NADK2: variants seen among roughly 807,000 people sequenced by gnomAD.
NADK2 encodes the protein NAD kinase domain-containing protein 1, mitochondrial.
A neutral mutation model predicts 62.1 loss-of-function variants in NADK2; 35 were observed. The ratio of observed to expected loss-of-function variants is 0.56; its 90% CI spans 0.43 to 0.75. The LOEUF (loss-of-function observed/expected upper bound fraction) is 0.75, where lower values mean the gene tolerates loss of function less well. NADK2 is among the 30% of genes least tolerant of loss of function. The pLI is 0.00. For missense variants in NADK2, 439 were observed against 561.3 expected, an observed-to-expected ratio of 0.78 and a Z score of 2.20; for synonymous variants, 205 against 207.9, an observed-to-expected ratio of 0.99 and a Z score of 0.12.
At chr5:36,238,171 A>G (rs1261085459) in intron 1 of NADK2, among the ~76,000 whole-genome samples, 1 of 152,210 alleles carries the variant, frequency 6.6e-6, no homozygotes, top group Non-Finnish European at 1.5e-5. Flanking sequence ...ACCACCTGAC[A>G]AAAGTATACC....
At chr5:36,222,876 T>C (rs1747327150) in intron 4 of NADK2, among the ~76,000 whole-genome samples, 2 of 152,230 alleles carry the variant, frequency 1.3e-5, no homozygotes, top group African/African-American at 4.8e-5. Context: ...GCACAGATGA[T>C]TTCATTCATC....
In NADK2 at chr5:36,197,529, G is replaced by C. The variant is rs374262088; in HGVS notation, c.1190+12C>G. The C allele has an allele frequency of 7.3e-5, 117 of 1,612,020 alleles. No individual in the cohort carries two copies. Among genetic ancestry groups the C allele is most frequent in the Non-Finnish European group, 9.3e-5 (110 of 1,178,708 alleles). The stretch of plus-strand genomic sequence containing the variant: ...GATGAAAACAGTCAGAAGTCAGATT[G>C]AGGATGCTTACTTTGAGGAGAAACA... On this transcript the variant is annotated intron_variant, in intron 11 of 11. Transcript: ENST00000381937.
intron 8 of NADK2, among the ~76,000 whole-genome samples, chr5:36,206,148 T>C (rs774580719): frequency 6.6e-5 from 10 of 151,392 alleles, no homozygotes; most frequent in Non-Finnish European, 1.3e-4. Flanking sequence ...TTTTGTGGGG[T>C]GGGAGACTGT....
intron 7 of NADK2, among the ~76,000 whole-genome samples, chr5:36,210,616 A>G (rs1746806437): frequency 6.6e-6 from 1 of 152,230 alleles, no homozygotes; most frequent in Non-Finnish European, 1.5e-5. Context: ...CCATTCAAAA[A>G]TATTAATATC....
intron 5 of NADK2, 178 bp from the exon 6 acceptor site, chr5:36,218,062 A>G (rs1747115031): frequency 9.3e-6 from 5 of 538,104 alleles, no homozygotes; most frequent in Non-Finnish European, 1.6e-5. Context: ...AGATTTGAAT[A>G]TTTATTCTCT....
chr5:36,228,782 C>T lies in NADK2; in HGVS notation c.301-1217G>A, dbSNP rs1338870542. Among the ~76,000 whole-genome samples the T allele has an allele frequency of 8.4e-5, 12 of 142,760 alleles. No individual in the cohort carries two copies. In the Admixed American group the frequency reaches 8.6e-4, roughly 10 times the overall value. 93.7% of individuals were successfully genotyped at this position (142,760 alleles called of 152,430 possible). Reference sequence around the variant, plus strand: ...TACAAGTGCACACCACCACAACCAGCTAATTTATTTTATTTTTTTTTTTGG... The same window carrying T: ...TACAAGTGCACACCACCACAACCAGTTAATTTATTTTATTTTTTTTTTTGG... On this transcript the variant is annotated intron_variant, in intron 1 of 11. Transcript: ENST00000381937.
At chr5:36,233,870 T>C (rs530240155) in intron 1 of NADK2, among the ~76,000 whole-genome samples, 1 of 152,306 alleles carries the variant, frequency 6.6e-6, no homozygotes, top group East Asian at 1.9e-4. Flanking sequence ...TTCTGTATTT[T>C]TCAATATTTA....
At chr5:36,203,796 T>C (rs1003348502) in intron 8 of NADK2, among the ~76,000 whole-genome samples, 5 of 152,066 alleles carry the variant, frequency 3.3e-5, no homozygotes, top group East Asian at 1.9e-4. Context: ...AGAAGCCCCA[T>C]TGCCTCTAGC....
chr5:36,201,570 AAAAT>A (rs1246460100), intron 8 of NADK2, among the ~76,000 whole-genome samples: 6 of 152,154 alleles, frequency 3.9e-5, no homozygotes, highest in Admixed American at 2.6e-4. Flanking sequence ...ATTGATATTA[AAAAT>A]AATACAAATA....
chr5:36,227,153 G>A lies in NADK2; in HGVS notation c.389+324C>T, dbSNP rs114130081. 2.6e-3 allele frequency among the ~76,000 whole-genome samples: 392 copies of A among 152,146 alleles called. 2 individuals carry two copies. Among genetic ancestry groups the A allele is most frequent in the African/African-American group, 9.1e-3 (379 of 41,518 alleles). On this transcript the variant is annotated intron_variant, in intron 2 of 11. Transcript: ENST00000381937. The stretch of plus-strand genomic sequence containing the variant: ...AAACACTCAAAAATATTATTACAAT[G>A]AACACTCATATAATCCACTAGTCTG...
chr5:36,241,854 A>G lies in NADK2; in HGVS notation c.-56T>C, dbSNP rs146672379. On this transcript the variant is annotated 5_prime_UTR_variant, in exon 1 of 12. Transcript: ENST00000381937. The surrounding 1 kb of genome is among the most constrained non-coding windows in gnomAD (Gnocchi z 4.9). Reference sequence around the variant, plus strand: ...CTCGGGCCCCTTGCCTCAGCTCCCTACCGCCGGGAGTGCGCGCCGTCCGCG... The same window carrying G: ...CTCGGGCCCCTTGCCTCAGCTCCCTGCCGCCGGGAGTGCGCGCCGTCCGCG... The G allele has an allele frequency of 9.1e-4, 1,075 of 1,182,778 alleles. 24 individuals carry two copies. The East Asian group carries it at 0.04, about 44-fold the overall frequency. The allele number at this position is 1,182,778 out of a possible 1,614,324, so 73.3% of individuals were successfully genotyped here. A position where few individuals can be genotyped will look rare whatever the true frequency, so the allele number is the denominator to read the frequency against.
intron 1 of NADK2, among the ~76,000 whole-genome samples, chr5:36,239,978 A>C (rs1579646520): frequency 6.6e-6 from 1 of 152,328 alleles, no homozygotes; most frequent in South Asian, 2.1e-4. Context: ...TTGTTGTGGG[A>C]AGCTTCGATA....
chr5:36,194,814 C>T lies in NADK2; in HGVS notation c.*330G>A, dbSNP rs922669906. 6.6e-5 allele frequency: 12 copies of T among 182,112 alleles called. No individual in the cohort carries two copies. In the Admixed American group the frequency reaches 7.5e-4, roughly 11 times the overall value. The allele number at this position is 182,112 out of a possible 1,614,324, so 11.3% of individuals were successfully genotyped here. On this transcript the variant is annotated 3_prime_UTR_variant, in exon 12 of 12. Transcript: ENST00000381937. ...GAAAGGGAAGGAAAACACACTTATA[C>T]AGTTAAGTTTCAAATCCTAAATATT... is the stretch of plus-strand genomic sequence containing the variant.
In NADK2 at chr5:36,211,856, C is replaced by T. The variant is rs868620823; in HGVS notation, c.848G>A (p.Ser283Asn). The change falls in exon 7 of 12, where the codon AGT becomes AAT. Residue 283 changes from serine (S) to asparagine (N), a missense_variant. Coordinates refer to ENST00000381937, the MANE Select transcript of NADK2 (RefSeq NM_001085411.3). The stretch of plus-strand genomic sequence containing the variant: ...GGTTTAAAAGTACCTGGATGACAGA[C>T]TCTCCCCAATGAAGACTTCATTTAG... Reference protein sequence around the residue: ...RALNEVFIGESLSSRASYYEI... With the variant: ...RALNEVFIGENLSSRASYYEI... The T allele has an allele frequency of 1.2e-6, 2 of 1,613,110 alleles. No individual in the cohort carries two copies. The highest frequency in any genetic ancestry group is 1.3e-5 in the African/African-American group (1 of 74,976).
intron 6 of NADK2, among the ~76,000 whole-genome samples, chr5:36,215,013 C>A (rs1746989831): frequency 6.6e-6 from 1 of 152,096 alleles, no homozygotes; most frequent in African/African-American, 2.4e-5. Context: ...GAAGGATGTG[C>A]ATAGGTTATA....
At chr5:36,224,027 T>C (rs148232798) in intron 4 of NADK2, among the ~76,000 whole-genome samples, 19 of 152,244 alleles carry the variant, frequency 1.2e-4, no homozygotes, top group African/African-American at 4.3e-4. Context: ...GGTGGGTTTA[T>C]TGAAGAAAGA....
At chr5:36,212,261 T>C (rs1227712207) in intron 6 of NADK2, 2 of 163,092 alleles carry the variant, frequency 1.2e-5, no homozygotes, top group African/African-American at 4.8e-5. Flanking sequence ...AGATATAACT[T>C]ACCAATTAAA....
In NADK2 at chr5:36,241,343, G is replaced by A. The variant is rs958427449; in HGVS notation, c.300+156C>T. The A allele has an allele frequency of 1.5e-5, 20 of 1,315,174 alleles. No individual in the cohort carries two copies. The highest frequency in any genetic ancestry group is 1.8e-5 in the Non-Finnish European group (18 of 1,025,790). The allele number at this position is 1,315,174 out of a possible 1,614,324, so 81.5% of individuals were successfully genotyped here. A position where few individuals can be genotyped will look rare whatever the true frequency, so the allele number is the denominator to read the frequency against. On this transcript the variant is annotated intron_variant, in intron 1 of 11. Coordinates refer to ENST00000381937, the MANE Select transcript of NADK2 (RefSeq NM_001085411.3). This position sits in a 1 kb window ranked among gnomAD's most constrained non-coding sequence, Gnocchi z 4.9. ...ACGCCCAAAGGCAAAGGAGGCCCAG[G>A]GAGAAGCCAGAGGACCTGGGGGCCG...
chr5:36,223,179 C>T (rs1747340062), intron 4 of NADK2, among the ~76,000 whole-genome samples: 1 of 151,834 alleles, frequency 6.6e-6, no homozygotes, highest in Non-Finnish European at 1.5e-5. Flanking sequence ...TCACCCTATT[C>T]ATAGTAAAAA....
Sources: gnomAD v4.1 joint callset for allele counts (sites outside exome capture counted in the v4.1 genomes callset) on GRCh38, gnomAD v4.1.1 for gene constraint, Gnocchi (gnomAD v3.1) non-coding constraint, MANE v1.5 for transcripts, NCBI Gene and HGNC (gene_info 2026-07-23, HGNC 2026-07-21) for gene names.